TLN2: variants seen among roughly 807,000 people sequenced by gnomAD.
The protein encoded by TLN2 is talin 2, also known as talin-2.
Under a neutral mutation model 294.7 loss-of-function variants are expected in TLN2, and 118 were observed. The ratio of observed to expected loss-of-function variants is 0.40; its 90% CI spans 0.34 to 0.47. The LOEUF (loss-of-function observed/expected upper bound fraction) is 0.47. Ranked by LOEUF, TLN2 falls within the 20% of genes least tolerant of loss-of-function variation. The probability of loss-of-function intolerance (pLI) is 0.84; values close to 1 mark genes in which losing one functional copy is unlikely to be tolerated. For synonymous variants in TLN2, 1,431 were observed against 1,304.5 expected (o/e 1.10, Z -2.09); for missense variants, 3,083 against 3,282.2 (o/e 0.94, Z 1.48).
At chr15:62,763,451 G>T (rs998889216) in intron 39 of TLN2, 112 bp from the exon 40 acceptor site, 2 of 1,426,876 alleles carry the variant, frequency 1.4e-6, no homozygotes, top group African/African-American at 2.8e-5. Flanking sequence ...CCTGAAAGGA[G>T]GTGACTGTGT....
intron 11 of TLN2, among the ~76,000 whole-genome samples, chr15:62,675,624 AAT>A (rs940527049): frequency 2.6e-5 from 4 of 152,216 alleles, no homozygotes; most frequent in African/African-American, 4.8e-5. Context: ...TTCTCCTGAC[AAT>A]GTTTCATTTA....
At chr15:62,664,857 C>CAAAAAAAAAAAA (rs10634187) in intron 9 of TLN2, among the ~76,000 whole-genome samples, 5,335 of 29,146 alleles carry the variant, frequency 0.18, 1,793 homozygotes, top group Non-Finnish European at 0.25. Flanking sequence ...GAAACTGTCT[C>CAAAAAAAAAAAA]AAAAAAAAAA....
chr15:62,648,888 G>T (rs1459101353), intron 4 of TLN2, among the ~76,000 whole-genome samples: 3 of 138,778 alleles, frequency 2.2e-5, no homozygotes, highest in African/African-American at 1.0e-4. Flanking sequence ...TCTGTCACTG[G>T]AGGCTGGAGT....
At chr15:62,528,291 C>T (rs899707039) in intron 1 of TLN2, among the ~76,000 whole-genome samples, 3 of 152,160 alleles carry the variant, frequency 2.0e-5, no homozygotes, top group African/African-American at 7.2e-5. Flanking sequence ...CCTCCAAGGA[C>T]ACTATCCCAG....
At chr15:62,392,640 ACGTGTT>A (rs2032193191) in intron 1 of TLN2, among the ~76,000 whole-genome samples, 1 of 152,070 alleles carries the variant, frequency 6.6e-6, no homozygotes, top group Non-Finnish European at 1.5e-5. Context: ...AATTGCAGGA[ACGTGTT>A]CTCCTTGGAG....
chr15:62,778,080 T>C (rs1457853764), intron 43 of TLN2, among the ~76,000 whole-genome samples: 2 of 152,234 alleles, frequency 1.3e-5, no homozygotes, highest in African/African-American at 4.8e-5. Flanking sequence ...TTAGAGAAGA[T>C]TGGTTGTTCA....
intron 1 of TLN2, among the ~76,000 whole-genome samples, chr15:62,448,081 G>A (rs142596866): frequency 1.3e-5 from 2 of 152,302 alleles, no homozygotes; most frequent in African/African-American, 4.8e-5. Context: ...AGGCCCCAAC[G>A]CCTTGGATTT....
intron 1 of TLN2, among the ~76,000 whole-genome samples, chr15:62,456,399 C>T (rs1306768152): frequency 6.6e-6 from 1 of 152,178 alleles, no homozygotes; most frequent in Non-Finnish European, 1.5e-5. Flanking sequence ...TGAGTGAGTC[C>T]TCCCCACCGT....
At position 62,761,833 on chromosome 15, in the gene TLN2, T is replaced by G. The variant is rs1163274252; in HGVS notation, c.4779+12T>G. ...AGATCAGCTCCGAGGTAGGGAGTGTTTACAGGAACATCATACTAAGGTCTT... is the reference window on the plus strand; with the variant it reads ...AGATCAGCTCCGAGGTAGGGAGTGTGTACAGGAACATCATACTAAGGTCTT... On this transcript the variant is annotated intron_variant, in intron 38 of 58. Coordinates refer to ENST00000636159, the MANE Select transcript of TLN2 (RefSeq NM_015059.3). 1 of 1,613,984 alleles carries G rather than the reference T, an allele frequency of 6.2e-7. No homozygotes were observed. Among genetic ancestry groups the G allele is most frequent in the Non-Finnish European group, 8.5e-7 (1 of 1,179,922 alleles).
chr15:62,718,229 A>G (rs2059907443), intron 24 of TLN2, among the ~76,000 whole-genome samples: 2 of 152,148 alleles, frequency 1.3e-5, no homozygotes, highest in Admixed American at 6.5e-5. Context: ...GGTACAGTAA[A>G]CACCCTTGTT....
rs536089281 is a variant in TLN2, at chr15:62,560,856, C to G, written c.-237-28831C>G. On this transcript the variant is annotated intron_variant, in intron 1 of 58. Coordinates refer to ENST00000636159, the MANE Select transcript of TLN2 (RefSeq NM_015059.3). Reference sequence around the variant, plus strand: ...CAGTGTGTCACCCCTTTCCACTCATCGAGTGTGCAGAACTGCAACCGAGGC... The same window carrying G: ...CAGTGTGTCACCCCTTTCCACTCATGGAGTGTGCAGAACTGCAACCGAGGC... 8.5e-5 allele frequency among the ~76,000 whole-genome samples: 13 copies of G among 152,332 alleles called. No individual in the cohort carries two copies. The East Asian group carries it at 2.5e-3, about 29-fold the overall frequency.
At chr15:62,677,981 G>C (rs1235792189) in intron 11 of TLN2, among the ~76,000 whole-genome samples, 1 of 151,628 alleles carries the variant, frequency 6.6e-6, no homozygotes, top group African/African-American at 2.4e-5. Context: ...TTTTGATAAA[G>C]ATGGGGTTTC....
At chr15:62,819,455 T>C (rs957125919) in intron 52 of TLN2, 61 bp from the exon 53 acceptor site, 14 of 1,406,586 alleles carry the variant, frequency 1.0e-5, no homozygotes, top group Non-Finnish European at 1.4e-5. Context: ...AGGAGTGTGC[T>C]TCTTTCCTGT....
chr15:62,569,824 C>G (rs1407742241), intron 1 of TLN2, among the ~76,000 whole-genome samples: 1 of 152,154 alleles, frequency 6.6e-6, no homozygotes, highest in East Asian at 1.9e-4. Context: ...CAGTTTAATT[C>G]AAATGAGAAG....
intron 3 of TLN2, among the ~76,000 whole-genome samples, chr15:62,620,116 C>T (rs1480787631): frequency 1.3e-5 from 2 of 152,128 alleles, no homozygotes; most frequent in Non-Finnish European, 2.9e-5. Context: ...GCTGGGACTA[C>T]AGCTGGGTTC....
intron 42 of TLN2, among the ~76,000 whole-genome samples, chr15:62,771,564 T>C (rs2063350765): frequency 6.6e-6 from 1 of 152,236 alleles, no homozygotes; most frequent in Non-Finnish European, 1.5e-5. Flanking sequence ...AGAGGGAACA[T>C]TTCTTCAGCC....
chr15:62,840,671 T>G lies in TLN2; in HGVS notation c.*61T>G. On this transcript the variant is annotated 3_prime_UTR_variant, in exon 59 of 59. Transcript: ENST00000636159. ...CCCTGGCTGAACTGGACAGACAGTG[T>G]TCCTGAGAGGCTGGGCACTTAGCTG... is the stretch of plus-strand genomic sequence containing the variant. The G allele has an allele frequency of 6.4e-7, 1 of 1,565,526 alleles. No homozygotes were observed. Among genetic ancestry groups the G allele is most frequent in the Non-Finnish European group, 8.6e-7 (1 of 1,156,752 alleles).
intron 1 of TLN2, among the ~76,000 whole-genome samples, chr15:62,482,255 C>A (rs1194156352): frequency 6.6e-6 from 1 of 152,118 alleles, no homozygotes; most frequent in Non-Finnish European, 1.5e-5. Flanking sequence ...ATGGACAATT[C>A]TATAGAATTT....
At chr15:62,823,814 T>C (rs2067791009) in intron 54 of TLN2, 1 of 399,562 alleles carries the variant, frequency 2.5e-6, no homozygotes, top group African/African-American at 2.2e-5. Context: ...ACAGTATTGT[T>C]AATGGCGCCG....
Sources: allele counts gnomAD v4.1 joint callset (sites outside exome capture counted in the v4.1 genomes callset), GRCh38; gene constraint gnomAD v4.1.1; transcripts MANE v1.5; gene names NCBI Gene and HGNC (gene_info 2026-07-23, HGNC 2026-07-21).